The following FAT4 variants were observed in gnomAD, a reference collection of about 807,000 sequenced individuals.
FAT4 encodes the protein FAT atypical cadherin 4, also known as protocadherin Fat 4.
FAT4 carries 84 observed loss-of-function variants against 303.9 expected under a neutral mutation model. The ratio of observed to expected loss-of-function variants is 0.28; its 90% CI spans 0.23 to 0.33. The LOEUF (loss-of-function observed/expected upper bound fraction) is 0.33, where lower values mean the gene tolerates loss of function less well. Among genes scored for constraint, FAT4 ranks in the 10% least tolerant of loss-of-function variants. The pLI is 1.00. For missense variants in FAT4, 6,005 were observed against 6,146.8 expected, an observed-to-expected ratio of 0.98 and a Z score of 0.77; for synonymous variants, 2,307 against 2,298.8, an observed-to-expected ratio of 1.00 and a Z score of -0.10.
At chr4:125,443,507 A>T (rs747791629) in intron 8 of FAT4, among the ~76,000 whole-genome samples, 1 of 141,708 alleles carries the variant, frequency 7.1e-6, no homozygotes, top group Non-Finnish European at 1.5e-5. Flanking sequence ...TCTGCTATTT[A>T]TAGATTGTAT....
chr4:125,406,074 CAT>C (rs1408725705), intron 3 of FAT4, among the ~76,000 whole-genome samples: 1 of 152,046 alleles, frequency 6.6e-6, no homozygotes, highest in Non-Finnish European at 1.5e-5. Context: ...TTTTGGGAGT[CAT>C]ATACATGAAA....
At position 125,490,674 on chromosome 4, in the gene FAT4, G is replaced by C. The variant is rs1274901733; in HGVS notation, c.13858G>C (p.Glu4620Gln). The change falls in exon 18 of 18, where the codon GAG becomes CAG. Residue 4620 changes from glutamate (E) to glutamine (Q), a missense_variant. By Grantham distance (29) the Glu-to-Gln change is conservative (BLOSUM62 2). Coordinates refer to ENST00000394329, the MANE Select transcript of FAT4 (RefSeq NM_001291303.3). ...APLASPEQEI[E>Q]HYDIDNASSI... ...TTTGGCATCTCCAGAGCAGGAGATA[G>C]AGCACTATGACATTGACAACGCCAG... 4 of 1,614,050 alleles carry C rather than the reference G, an allele frequency of 2.5e-6. No homozygotes were observed. Among genetic ancestry groups the C allele is most frequent in the Non-Finnish European group, 3.4e-6 (4 of 1,180,052 alleles).
intron 2 of FAT4, among the ~76,000 whole-genome samples, chr4:125,339,890 T>C (rs1192286286): frequency 1.3e-5 from 2 of 152,174 alleles, no homozygotes; most frequent in African/African-American, 4.8e-5. Context: ...TATTTTATTG[T>C]ACATCTATAA....
intron 2 of FAT4, among the ~76,000 whole-genome samples, chr4:125,387,952 C>T (rs1454462820): frequency 6.6e-6 from 1 of 152,134 alleles, no homozygotes; most frequent in African/African-American, 2.4e-5. Flanking sequence ...CACTTTTATC[C>T]TCACACATTT....
In FAT4 at chr4:125,449,268, C is replaced by T. The variant is rs1389714376; in HGVS notation, c.8258C>T (p.Pro2753Leu). 6.2e-6 allele frequency: 10 copies of T among 1,613,834 alleles called. No homozygotes were observed. Among genetic ancestry groups the T allele is most frequent in the Non-Finnish European group, 7.6e-6 (9 of 1,179,900 alleles). The change falls in exon 10 of 18, where the codon CCG becomes CTG. Residue 2753 changes from proline to leucine, a missense_variant. Physicochemically the swap from Pro to Leu is moderately conservative, Grantham distance 98. Coordinates refer to ENST00000394329, the MANE Select transcript of FAT4 (RefSeq NM_001291303.3). ...ATAAAATCATCAGACAAAGGGTCCC[C>T]GTCTCAGAGTACTTCAGTAAAAGTC... ...LTIKSSDKGS[P>L]SQSTSVKVMI...
rs190371156 is a variant in FAT4, at chr4:125,473,591, G to T, written c.12214-2580G>T. Reference sequence around the variant, plus strand: ...TTAGCCATAATAATATCCTAAAACTGATGAGTAATAGTAGACATCACCTCA... The same window carrying T: ...TTAGCCATAATAATATCCTAAAACTTATGAGTAATAGTAGACATCACCTCA... On this transcript the variant is annotated intron_variant, in intron 12 of 17. Transcript: ENST00000394329. Among the ~76,000 whole-genome samples the T allele has an allele frequency of 2.5e-4, 38 of 152,018 alleles. No individual in the cohort carries two copies. The East Asian group carries it at 7.1e-3, about 29-fold the overall frequency.
At chr4:125,352,886 A>C (rs937346067) in intron 2 of FAT4, among the ~76,000 whole-genome samples, 1 of 151,824 alleles carries the variant, frequency 6.6e-6, no homozygotes, top group Non-Finnish European at 1.5e-5. Flanking sequence ...TACTGGATGC[A>C]GTGATGTATT....
rs778678016 is a variant in FAT4 at position 125,449,505 on chromosome 4, G to A, written c.8495G>A (p.Ser2832Asn). ...INPSTGDIVISRPLNREDTDR... is the reference protein window; with the variant it reads ...INPSTGDIVINRPLNREDTDR... ...CCCAGCACAGGGGATATTGTCATAAGCAGACCTTTAAATAGGGAAGATACA... is the reference window on the plus strand; with the variant it reads ...CCCAGCACAGGGGATATTGTCATAAACAGACCTTTAAATAGGGAAGATACA... Residue 2832 changes from serine to asparagine, a missense_variant, in exon 10 of 18, where the codon AGC becomes AAC. Transcript: ENST00000394329. The A allele has an allele frequency of 3.7e-6, 6 of 1,613,794 alleles. No homozygotes were observed. In the African/African-American group the frequency reaches 6.7e-5, roughly 18 times the overall value.
chr4:125,476,225 A>G lies in FAT4; in HGVS notation c.12268A>G (p.Thr4090Ala), dbSNP rs1727025177. Residue 4090 changes from threonine (T) to alanine (A), a missense_variant, in exon 13 of 18, where the codon ACT becomes GCT. Transcript: ENST00000394329. ...TGAGAACCAAGAGCCAGGATATTGT[A>G]CTGTCAGTAATGTGGCAGTTTCAGA... Reference protein sequence around the residue: ...CSENQEPGYCTVSNVAVSDDW... With the variant: ...CSENQEPGYCAVSNVAVSDDW... 2 of 1,599,562 alleles carry G rather than the reference A, an allele frequency of 1.3e-6. No homozygotes were observed. Among genetic ancestry groups the G allele is most frequent in the Non-Finnish European group, 1.7e-6 (2 of 1,170,400 alleles).
At chr4:125,485,142 A>G (rs1200274250) in intron 16 of FAT4, among the ~76,000 whole-genome samples, 1 of 152,174 alleles carries the variant, frequency 6.6e-6, no homozygotes, top group Non-Finnish European at 1.5e-5. Flanking sequence ...TGGTGGGTCA[A>G]TGTGAAGGCC....
At chr4:125,462,604 G>C (rs1284667701) in intron 10 of FAT4, among the ~76,000 whole-genome samples, 3 of 151,866 alleles carry the variant, frequency 2.0e-5, no homozygotes. Context: ...AAAAACAAGT[G>C]GGACTTATAC....
intron 2 of FAT4, among the ~76,000 whole-genome samples, chr4:125,339,654 CT>C (rs1197664736): frequency 2.0e-5 from 3 of 152,000 alleles, no homozygotes; most frequent in African/African-American, 7.3e-5. Context: ...CAAAATAATG[CT>C]ATGAAATAGT....
chr4:125,356,553 T>C (rs969332558), intron 2 of FAT4, among the ~76,000 whole-genome samples: 3 of 71,476 alleles, frequency 4.2e-5, no homozygotes, highest in Non-Finnish European at 4.1e-5. Context: ...TTTTTTGTTT[T>C]TTTTTTTTTT....
At position 125,319,757 on chromosome 4, in the gene FAT4, G is replaced by T. The variant is rs2125943177; in HGVS notation, c.3346G>T (p.Gly1116Trp). 4.3e-6 allele frequency: 7 copies of T among 1,614,178 alleles called. No homozygotes were observed. The highest frequency in any genetic ancestry group is 5.9e-6 in the Non-Finnish European group (7 of 1,180,030). Residue 1116 changes from glycine to tryptophan, a missense_variant, in exon 2 of 18, where the codon GGG (glycine) becomes TGG (tryptophan). Physicochemically the swap from Gly to Trp is radical, Grantham distance 184. Transcript: ENST00000394329. ...TFYFEEEQRA[G>W]SFVGKVSAVD... The stretch of plus-strand genomic sequence containing the variant: ...TTACTTCGAAGAAGAGCAGAGGGCT[G>T]GGTCGTTTGTGGGCAAAGTAAGTGC...
At chr4:125,429,577 C>A (rs924551211) in intron 7 of FAT4, among the ~76,000 whole-genome samples, 5 of 151,928 alleles carry the variant, frequency 3.3e-5, no homozygotes, top group Non-Finnish European at 7.4e-5. Context: ...AGTTGTTTAA[C>A]AAAATCAAAC....
At position 125,450,547 on chromosome 4, in the gene FAT4, C is replaced by G; in HGVS notation, c.9537C>G (p.Tyr3179Ter). 6.2e-7 allele frequency: 1 copy of G among 1,614,142 alleles called. No individual in the cohort carries two copies. Among genetic ancestry groups the G allele is most frequent in the Non-Finnish European group, 8.5e-7 (1 of 1,180,004 alleles). ...IDGGWVARTG[Y>*]CSVTVNVIDV... is the part of the protein sequence containing the mutation. ...GAGGATGGGTTGCAAGAACTGGTTACTGCAGTGTGACCGTAAATGTGATTG... is the reference window on the plus strand; with the variant it reads ...GAGGATGGGTTGCAAGAACTGGTTAGTGCAGTGTGACCGTAAATGTGATTG... The change falls in exon 10 of 18, where the codon TAC becomes TAG. Residue 3179 changes from tyrosine (Y) to a stop codon, truncating the protein, a stop_gained. Coordinates refer to ENST00000394329, the MANE Select transcript of FAT4 (RefSeq NM_001291303.3). LOFTEE classifies it high-confidence loss of function.
intron 2 of FAT4, among the ~76,000 whole-genome samples, chr4:125,385,324 A>C (rs1191609662): frequency 6.6e-6 from 1 of 152,036 alleles, no homozygotes; most frequent in African/African-American, 2.4e-5. Context: ...CGCCCTGCCA[A>C]TTTTAGAAAC....
Position 125,463,692 on chromosome 4 carries a change from T to C in FAT4, c.11905+25T>C, listed in dbSNP as rs369227048. ...GGTGAGTAAAACTTATTTGTTGATA[T>C]AAAATATAAGTTTATTTTTGCACAC... On this transcript the variant is annotated intron_variant, in intron 11 of 17. Coordinates refer to ENST00000394329, the MANE Select transcript of FAT4 (RefSeq NM_001291303.3). 9 of 1,444,576 alleles carry C rather than the reference T, an allele frequency of 6.2e-6. No individual in the cohort carries two copies. In the East Asian group the frequency reaches 7.4e-5, roughly 12 times the overall value. 89.5% of individuals were successfully genotyped at this position (1,444,576 alleles called of 1,614,324 possible).
Position 125,398,911 on chromosome 4 carries a change from A to T in FAT4, c.5303A>T (p.Asp1768Val). The change falls in exon 3 of 18, where the codon GAT (aspartate) becomes GTT (valine). Residue 1768 changes from aspartate to valine, a missense_variant. Physicochemically the swap from Asp to Val is radical, Grantham distance 152. Coordinates refer to ENST00000394329, the MANE Select transcript of FAT4 (RefSeq NM_001291303.3). ...KIMQLTAMDA[D>V]EGANALVTYT... Reference sequence around the variant, plus strand: ...ATGCAGCTGACAGCCATGGATGCTGATGAGGTAGCTCAAGCATGTCTCTGA... The same window carrying T: ...ATGCAGCTGACAGCCATGGATGCTGTTGAGGTAGCTCAAGCATGTCTCTGA... 2 of 1,612,912 alleles carry T rather than the reference A, an allele frequency of 1.2e-6. No individual in the cohort carries two copies. The highest frequency in any genetic ancestry group is 1.7e-6 in the Non-Finnish European group (2 of 1,179,138).
Sources: gnomAD v4.1 joint callset for allele counts (sites outside exome capture counted in the v4.1 genomes callset) on GRCh38, gnomAD v4.1.1 for gene constraint, MANE v1.5 for transcripts, NCBI Gene and HGNC (gene_info 2026-07-23, HGNC 2026-07-21) for gene names.